CSMD1: variants seen among roughly 807,000 people sequenced by gnomAD.
The protein encoded by CSMD1 is CUB and sushi domain-containing protein 1.
CSMD1 carries 213 observed loss-of-function variants against 417.5 expected under a neutral mutation model. The ratio of observed to expected loss-of-function variants is 0.51; its 90% CI spans 0.46 to 0.57. The LOEUF (loss-of-function observed/expected upper bound fraction) is 0.57. CSMD1 is among the 20% of genes least tolerant of loss of function. The pLI is 0.00. For missense variants in CSMD1, 6,923 were observed against 4,529.7 expected (o/e 1.53, Z -15.17); for synonymous variants, 2,862 against 1,736.8 (o/e 1.65, Z -16.11).
chr8:4,722,880 C>G (rs1809152429), intron 1 of CSMD1, among the ~76,000 whole-genome samples: 1 of 150,636 alleles, frequency 6.6e-6, no homozygotes, highest in Non-Finnish European at 1.5e-5. Flanking sequence ...AAAGATTTCT[C>G]CTCTGTGAAA....
intron 33 of CSMD1, among the ~76,000 whole-genome samples, chr8:3,196,675 G>T (rs1193268429): frequency 6.6e-6 from 1 of 152,084 alleles, no homozygotes. Context: ...TGAAAGGTTG[G>T]GCAGGCAGGA....
intron 2 of CSMD1, among the ~76,000 whole-genome samples, chr8:4,542,353 T>C (rs1321426042): frequency 1.5e-5 from 2 of 135,134 alleles, no homozygotes; most frequent in Non-Finnish European, 3.5e-5. Flanking sequence ...ACAAACTTAC[T>C]AACAAAAAAA....
chr8:4,397,960 C>T (rs1332691346), intron 3 of CSMD1, among the ~76,000 whole-genome samples: 5 of 152,142 alleles, frequency 3.3e-5, no homozygotes, highest in Admixed American at 2.0e-4. Context: ...GGTTGTCATA[C>T]ACCTGCTACT....
chr8:3,520,172 A>G (rs943277578), intron 10 of CSMD1, among the ~76,000 whole-genome samples: 4 of 152,044 alleles, frequency 2.6e-5, no homozygotes, highest in Non-Finnish European at 4.4e-5. Context: ...AACCGAGAAG[A>G]AGAGAATTTC....
intron 26 of CSMD1, among the ~76,000 whole-genome samples, chr8:3,232,266 T>C (rs1399367712): frequency 1.3e-5 from 2 of 152,222 alleles, no homozygotes; most frequent in African/African-American, 4.8e-5. Context: ...TGAAATCAAA[T>C]GCTTAACTGG....
At chr8:4,002,950 C>T (rs77118594) in intron 4 of CSMD1, among the ~76,000 whole-genome samples, 2,197 of 152,096 alleles carry the variant, frequency 0.014, 124 homozygotes, top group Admixed American at 0.095. Context: ...GTGAATGTTA[C>T]GGAAGCAAAA....
At chr8:3,372,095 A>G (rs1386754919) in intron 18 of CSMD1, among the ~76,000 whole-genome samples, 3 of 152,338 alleles carry the variant, frequency 2.0e-5, no homozygotes, top group East Asian at 1.9e-4. Context: ...CAGATGACAC[A>G]TGACTGTGAA....
intron 3 of CSMD1, among the ~76,000 whole-genome samples, chr8:4,303,410 G>T (rs546787218): frequency 3.7e-5 from 5 of 136,560 alleles, no homozygotes; most frequent in African/African-American, 2.7e-5. Flanking sequence ...TTTATATATT[G>T]GGCAGGAAGC....
intron 1 of CSMD1, among the ~76,000 whole-genome samples, chr8:4,814,532 G>C (rs4255157): frequency 0.99 from 150,816 of 152,308 alleles, 74,688 homozygotes; most frequent in East Asian, 1. Context: ...CAGGTATGAG[G>C]TAATAATAAT....
intron 1 of CSMD1, among the ~76,000 whole-genome samples, chr8:4,697,605 A>C (rs1320576869): frequency 6.6e-6 from 1 of 152,170 alleles, no homozygotes; most frequent in Non-Finnish European, 1.5e-5. Context: ...TTCAGTCAAT[A>C]AGTTCAACAT....
intron 1 of CSMD1, among the ~76,000 whole-genome samples, chr8:4,884,793 G>A (rs1456967221): frequency 6.6e-6 from 1 of 152,046 alleles, no homozygotes; most frequent in Non-Finnish European, 1.5e-5. Context: ...GATTTGGGAA[G>A]CATGAGTTCT....
chr8:4,987,544 G>A (rs548473910), intron 1 of CSMD1, among the ~76,000 whole-genome samples: 77 of 152,052 alleles, frequency 5.1e-4, no homozygotes, highest in Non-Finnish European at 7.9e-4. Context: ...TGAGGTTGAA[G>A]CTCCCCAAAA....
At chr8:4,094,558 C>G (rs1056781405) in intron 3 of CSMD1, among the ~76,000 whole-genome samples, 4 of 152,098 alleles carry the variant, frequency 2.6e-5, no homozygotes, top group African/African-American at 9.7e-5. Flanking sequence ...TTCTTGTAGA[C>G]GCCCACATGA....
intron 1 of CSMD1, among the ~76,000 whole-genome samples, chr8:4,661,453 G>T (rs191800004): frequency 6.6e-6 from 1 of 152,164 alleles, no homozygotes; most frequent in Non-Finnish European, 1.5e-5. Flanking sequence ...TATAGAAATG[G>T]AGAACAGATT....
At chr8:4,700,259 G>C (rs924456620) in intron 1 of CSMD1, among the ~76,000 whole-genome samples, 1 of 152,012 alleles carries the variant, frequency 6.6e-6, no homozygotes, top group Non-Finnish European at 1.5e-5. Flanking sequence ...TTTCTAGCAG[G>C]AAAGGTGAAA....
In CSMD1 at chr8:3,574,984, T is replaced by C. The variant is rs1800089282; in HGVS notation, c.1305A>G (p.Ala435=). 1.9e-6 allele frequency: 3 copies of C among 1,612,988 alleles called. No individual in the cohort carries two copies. The highest frequency in any genetic ancestry group is 1.7e-5 in the Admixed American group (1 of 60,006). Residue 435 remains alanine (A), a synonymous_variant, in exon 10 of 70, where the codon GCA becomes GCG. Transcript: ENST00000635120. ...PNYPVQYEDN[A]HCVWVITTTD... The stretch of plus-strand genomic sequence containing the variant: ...TGGTGGTGATGACCCACACACAGTG[T>C]GCATTATCTTCATACTGAACCGGAT...
At chr8:4,133,788 T>C (rs1203678845) in intron 3 of CSMD1, among the ~76,000 whole-genome samples, 1 of 152,166 alleles carries the variant, frequency 6.6e-6, no homozygotes, top group Non-Finnish European at 1.5e-5. Context: ...ATATCCCTTA[T>C]CTATAGCCAT....
chr8:3,680,654 AG>A, intron 7 of CSMD1, among the ~76,000 whole-genome samples: 1 of 152,338 alleles, frequency 6.6e-6, no homozygotes, highest in Non-Finnish European at 1.5e-5. Flanking sequence ...TCCAATCAAT[AG>A]AAAAAAGAGG....
intron 12 of CSMD1, among the ~76,000 whole-genome samples, chr8:3,440,098 C>T: frequency 6.6e-6 from 1 of 152,176 alleles, no homozygotes; most frequent in East Asian, 1.9e-4. Flanking sequence ...GCTTTTCCCA[C>T]TCAATTTTGT....
Sources: allele counts gnomAD v4.1 joint callset (sites outside exome capture counted in the v4.1 genomes callset), GRCh38; gene constraint gnomAD v4.1.1; transcripts MANE v1.5; gene names NCBI Gene and HGNC (gene_info 2026-07-23, HGNC 2026-07-21).